The following TTC7A variants were observed in gnomAD, a reference collection of about 807,000 sequenced individuals.
The protein encoded by TTC7A is tetratricopeptide repeat domain 7A.
Under a neutral mutation model 103.7 loss-of-function variants are expected in TTC7A, and 110 were observed. The observed-to-expected ratio is 1.06, with a 90% confidence interval of 0.91 to 1.24. TTC7A has a LOEUF of 1.24. Among genes scored for constraint, TTC7A ranks in the 50% most tolerant of loss-of-function variants. TTC7A has a pLI of 0.00. For missense variants in TTC7A, 1,340 were observed against 1,116.3 expected (o/e 1.20, Z -2.86); for synonymous variants, 521 against 467.9 (o/e 1.11, Z -1.47).
chr2:46,957,747 CCTT>C (rs1404455730), intron 3 of TTC7A, among the ~76,000 whole-genome samples: 1 of 152,198 alleles, frequency 6.6e-6, no homozygotes, highest in Non-Finnish European at 1.5e-5. Flanking sequence ...GCTTCAGGCT[CCTT>C]CTTCCCTGGA....
chr2:47,000,829 A>G (rs1676733398), intron 8 of TTC7A, among the ~76,000 whole-genome samples: 1 of 152,182 alleles, frequency 6.6e-6, no homozygotes, highest in African/African-American at 2.4e-5. Context: ...CTTGTTGCCC[A>G]GGGAGCATGT....
upstream of TTC7A, among the ~76,000 whole-genome samples, chr2:46,940,931 A>G (rs4314044): frequency 0.059 from 8,889 of 151,772 alleles, 322 homozygotes; most frequent in African/African-American, 0.093. This position sits in a 1 kb window ranked among gnomAD's most constrained non-coding sequence, Gnocchi z 4.7. Context: ...GTCGTCGGGC[A>G]GTGGTCTCCC....
At chr2:46,987,393 G>C (rs572704688) in intron 5 of TTC7A, among the ~76,000 whole-genome samples, 67 of 152,348 alleles carry the variant, frequency 4.4e-4, no homozygotes, top group African/African-American at 1.6e-3. Flanking sequence ...GGCCTGAAAG[G>C]GGAGGGGGAC....
chr2:46,950,605 A>G (rs745765981), intron 2 of TTC7A, 79 bp downstream of exon 2: 3 of 1,480,604 alleles, frequency 2.0e-6, no homozygotes, highest in Non-Finnish European at 2.7e-6. Flanking sequence ...TCCCTGAGTC[A>G]TTTGGTCACC....
rs570748022 is a variant in TTC7A at position 46,919,402 on chromosome 2, G to A, written c.82+2125G>A. On this transcript the variant is annotated intron_variant, in intron 2 of 20. Coordinates refer to the TTC7A transcript ENST00000409245. ...TACAAAATTAGCTGGGTGTGGTGAC[G>A]CATGCTTGTAATCCCAGATACTCGG... Among the ~76,000 whole-genome samples, 23 of 152,238 alleles carry A rather than the reference G, an allele frequency of 1.5e-4. No individual in the cohort carries two copies. In the South Asian group the frequency reaches 4.6e-3, roughly 30 times the overall value.
chr2:46,955,771 C>T (rs1411150237), intron 2 of TTC7A, among the ~76,000 whole-genome samples: 3 of 152,172 alleles, frequency 2.0e-5, no homozygotes, highest in African/African-American at 7.2e-5. Context: ...CAGACTCTTA[C>T]CTCCCTACAG....
intron 15 of TTC7A, among the ~76,000 whole-genome samples, chr2:47,045,358 A>C (rs527455451): frequency 6.6e-6 from 1 of 152,178 alleles, no homozygotes; most frequent in Non-Finnish European, 1.5e-5. Context: ...TTGATGAGCA[A>C]GTGTCATGAC....
chr2:46,944,291 C>T (rs1323573146), intron 1 of TTC7A, among the ~76,000 whole-genome samples: 2 of 151,698 alleles, frequency 1.3e-5, no homozygotes, highest in Non-Finnish European at 2.9e-5. Flanking sequence ...CACGAAGTCT[C>T]GTCTGAGCTA....
intron 18 of TTC7A, among the ~76,000 whole-genome samples, chr2:47,057,853 C>T (rs1352021504): frequency 6.6e-6 from 1 of 152,192 alleles, no homozygotes; most frequent in Non-Finnish European, 1.5e-5. Flanking sequence ...TCGACCTAGC[C>T]CCTCTTGAGT....
intron 1 of TTC7A, among the ~76,000 whole-genome samples, chr2:46,942,452 T>G (rs1204131001): frequency 6.6e-6 from 1 of 152,140 alleles, no homozygotes; most frequent in Admixed American, 6.6e-5. Context: ...GGAGGCTTTG[T>G]GGAAGGAGGC....
At chr2:47,037,484 C>A (rs552601970) in intron 15 of TTC7A, among the ~76,000 whole-genome samples, 1 of 152,218 alleles carries the variant, frequency 6.6e-6, no homozygotes, top group African/African-American at 2.4e-5. Context: ...GTCTTTACAG[C>A]ACCCCTGTTT....
chr2:46,988,335 G>A (rs1166806024), intron 5 of TTC7A, among the ~76,000 whole-genome samples: 1 of 152,188 alleles, frequency 6.6e-6, no homozygotes, highest in Admixed American at 6.5e-5. Context: ...ATTTGGGTCT[G>A]CGACAGGGGT....
At chr2:47,052,031 CCTT>C (rs1682903194) in intron 18 of TTC7A, 151 bp downstream of exon 18, 1 of 1,018,188 alleles carries the variant, frequency 9.8e-7, no homozygotes, top group Non-Finnish European at 1.4e-6. Flanking sequence ...CTGTGGGTCT[CCTT>C]CTCTGCCCAG....
At chr2:46,933,354 T>C (rs1007374036) in intron 2 of TTC7A, among the ~76,000 whole-genome samples, 13 of 152,204 alleles carry the variant, frequency 8.5e-5, no homozygotes, top group African/African-American at 2.9e-4. Context: ...GGGAAAATCT[T>C]CAACATTCTG....
chr2:46,930,990 A>C (rs75318949), intron 2 of TTC7A, among the ~76,000 whole-genome samples: 2 of 151,222 alleles, frequency 1.3e-5, no homozygotes, highest in Non-Finnish European at 3.0e-5. Flanking sequence ...CCAGATGAGA[A>C]AATTTAGCCG....
chr2:47,070,745 G>T (rs1226621107), intron 19 of TTC7A, among the ~76,000 whole-genome samples: 2 of 152,110 alleles, frequency 1.3e-5, no homozygotes, highest in African/African-American at 2.4e-5. Flanking sequence ...AATTTCTGGG[G>T]ACTTCCCCCA....
chr2:46,950,317 C>T (rs767912461), intron 1 of TTC7A, 46 bp from the exon 2 acceptor site: 66 of 1,607,250 alleles, frequency 4.1e-5, no homozygotes, highest in Middle Eastern at 1.9e-4. Context: ...CTCCATTATC[C>T]GCCTTGTTCG....
chr2:47,014,886 T>C (rs916293508), intron 11 of TTC7A, among the ~76,000 whole-genome samples: 3 of 152,244 alleles, frequency 2.0e-5, no homozygotes, highest in Non-Finnish European at 2.9e-5. Context: ...TCTTCCCACA[T>C]CCTGTCCTCA....
chr2:46,975,538 G>A (rs1002514195), intron 4 of TTC7A, among the ~76,000 whole-genome samples: 1 of 151,762 alleles, frequency 6.6e-6, no homozygotes, highest in African/African-American at 2.4e-5. Context: ...AGAGTTGGTC[G>A]GCAGGGCTCT....
Sources: gnomAD v4.1 joint callset for allele counts (sites outside exome capture counted in the v4.1 genomes callset) on GRCh38, gnomAD v4.1.1 for gene constraint, Gnocchi (gnomAD v3.1) non-coding constraint, MANE v1.5 for transcripts, NCBI Gene and HGNC (gene_info 2026-07-23, HGNC 2026-07-21) for gene names.